FANCM: variants seen among roughly 807,000 people sequenced by gnomAD.
FANCM encodes FA complementation group M, also known as Fanconi anemia group M protein.
A neutral mutation model predicts 199.5 loss-of-function variants in FANCM; 140 were observed. That is an observed-to-expected ratio of 0.70 (90% CI 0.61 to 0.81). The LOEUF (loss-of-function observed/expected upper bound fraction) is 0.81. FANCM is among the 30% of genes least tolerant of loss of function. The pLI is 0.00. For missense variants in FANCM, 2,410 were observed against 2,421.4 expected, an observed-to-expected ratio of 1.00 and a Z score of 0.10; for synonymous variants, 840 against 836.8, an observed-to-expected ratio of 1.00 and a Z score of -0.07.
Position 45,136,470 on chromosome 14 carries a change from G to A in FANCM, c.439G>A (p.Val147Met). 1 of 1,614,142 alleles carries A rather than the reference G, an allele frequency of 6.2e-7. No individual in the cohort carries two copies. The highest frequency in any genetic ancestry group is 8.5e-7 in the Non-Finnish European group (1 of 1,180,032). The change falls in exon 1 of 23, where the codon GTG (valine) becomes ATG (methionine). Residue 147 changes from valine to methionine, a missense_variant. Physicochemically the swap from Val to Met is conservative, Grantham distance 21. Coordinates refer to ENST00000267430, the MANE Select transcript of FANCM (RefSeq NM_020937.4). ...CTTCATGGCCCCAACGAAACCCTTG[G>A]TGACACAGCAGATCGAGGCTTGCTA... ...VVFMAPTKPL[V>M]TQQIEACYQV... is the part of the protein sequence containing the mutation.
rs756588543 is a variant in FANCM, at chr14:45,185,366, T to C, written c.4665T>C (p.Ala1555=). ...ATGATGAAACTCAACTTTCACAGGC[T>C]ATAAATGGTAAATGTTATAATGATC... ...FLNDETQLSQ[A]INDSEMRAIY... The change falls in exon 18 of 23, where the codon GCT becomes GCC. Residue 1555 remains alanine (A), a synonymous_variant. Coordinates refer to ENST00000267430, the MANE Select transcript of FANCM (RefSeq NM_020937.4). 10 of 1,573,550 alleles carry C rather than the reference T, an allele frequency of 6.4e-6. No individual in the cohort carries two copies. Among genetic ancestry groups the C allele is most frequent in the Non-Finnish European group, 7.8e-6 (9 of 1,150,578 alleles).
chr14:45,155,598 A>C, intron 8 of FANCM, 139 bp downstream of exon 8: 1 of 536,568 alleles, frequency 1.9e-6, no homozygotes, highest in Non-Finnish European at 3.5e-6. Flanking sequence ...CAGGAGTTCA[A>C]GACCAGCCTG....
At chr14:45,165,071 A>G (rs1287220966) in intron 10 of FANCM, among the ~76,000 whole-genome samples, 1 of 152,214 alleles carries the variant, frequency 6.6e-6, no homozygotes, top group Non-Finnish European at 1.5e-5. Flanking sequence ...TTAAGTGATA[A>G]GGAACTTGAG....
chr14:45,173,067 A>G lies in FANCM; in HGVS notation c.2173A>G (p.Thr725Ala), dbSNP rs146325649. 6.9e-5 allele frequency: 111 copies of G among 1,608,250 alleles called. No individual in the cohort carries two copies. In the African/African-American group the frequency reaches 1.4e-3, roughly 20 times the overall value. The change falls in exon 13 of 23, where the codon ACC becomes GCC. Residue 725 changes from threonine (T) to alanine (A), a missense_variant. Thr to Ala is a moderately conservative substitution (Grantham distance 58). Coordinates refer to ENST00000267430, the MANE Select transcript of FANCM (RefSeq NM_020937.4). ...NEENKPAQES[T>A]TGIHQLSLSE... ...TTAAATAATTAAGGCTCAAGAATCA[A>G]CCACTGGAATTCATCAACTCTCTCT...
In FANCM at chr14:45,176,030, A is replaced by G. The variant is rs1042757360; in HGVS notation, c.3276A>G (p.Glu1092=). The change falls in exon 14 of 23, where the codon GAA becomes GAG. Residue 1092 remains glutamate, a synonymous_variant. Transcript: ENST00000267430. ...DCDVHKHNQN[E]NLVPNNRVQI... ...ATGTACATAAACATAATCAAAATGA[A>G]AATTTAGTACCTAACAATCGTGTTC... The G allele has an allele frequency of 4.3e-6, 7 of 1,613,816 alleles. No homozygotes were observed. In the Admixed American group the frequency reaches 8.3e-5, roughly 19 times the overall value.
At chr14:45,151,598 A>T (rs1189553402) in intron 5 of FANCM, 70 bp downstream of exon 5, 1 of 1,409,428 alleles carries the variant, frequency 7.1e-7, no homozygotes, top group Admixed American at 1.7e-5. Context: ...AACATAGGTA[A>T]TGATATTTTG....
chr14:45,143,500 C>T (rs1286307474), intron 3 of FANCM, among the ~76,000 whole-genome samples: 1 of 151,874 alleles, frequency 6.6e-6, no homozygotes, highest in Non-Finnish European at 1.5e-5. Context: ...TTTGATGCTT[C>T]TGTAACTTTC....
chr14:45,155,458 T>A lies in FANCM; in HGVS notation c.1395T>A (p.Asn465Lys). The change falls in exon 8 of 23, where the codon AAT becomes AAA. Residue 465 changes from asparagine to lysine, a missense_variant and splice_region_variant. By Grantham distance (94) the Asn-to-Lys change is moderately conservative. Coordinates refer to ENST00000267430, the MANE Select transcript of FANCM (RefSeq NM_020937.4). Reference sequence around the variant, plus strand: ...TAATTGAACACTTCAAGTCATGGAATGGTAGGTCATATTTAGTAGCTTTAA... The same window carrying A: ...TAATTGAACACTTCAAGTCATGGAAAGGTAGGTCATATTTAGTAGCTTTAA... ...EVVIEHFKSW[N>K]AENTTEKKRD... 1 of 1,439,866 alleles carries A rather than the reference T, an allele frequency of 6.9e-7. No individual in the cohort carries two copies. Among genetic ancestry groups the A allele is most frequent in the Non-Finnish European group, 9.8e-7 (1 of 1,022,854 alleles). The allele number at this position is 1,439,866 out of a possible 1,614,324, so 89.2% of individuals were successfully genotyped here.
At position 45,136,112 on chromosome 14, in the gene FANCM, C is replaced by T. The variant is rs1388168603; in HGVS notation, c.81C>T (p.Ser27=). 5 of 1,614,112 alleles carry T rather than the reference C, an allele frequency of 3.1e-6. No homozygotes were observed. Among genetic ancestry groups the T allele is most frequent in the Non-Finnish European group, 3.4e-6 (4 of 1,180,022 alleles). Residue 27 remains serine, a synonymous_variant, in exon 1 of 23, where the codon TCC becomes TCT. Coordinates refer to ENST00000267430, the MANE Select transcript of FANCM (RefSeq NM_020937.4). ...CATCTGGGACTCCGGGTTGCAGCTC[C>T]GGAACTGAGCGACCTCAGAGCCCTG... ...SRSSGTPGCS[S]GTERPQSPGS... is the part of the protein sequence containing the mutation.
chr14:45,187,086 A>G (rs1007216745), intron 18 of FANCM, among the ~76,000 whole-genome samples: 5 of 152,212 alleles, frequency 3.3e-5, no homozygotes, highest in African/African-American at 1.2e-4. Context: ...TTGAGCAACA[A>G]GAAGGACATA....
chr14:45,181,844 T>A, intron 16 of FANCM, 139 bp downstream of exon 16: 1 of 641,944 alleles, frequency 1.6e-6, no homozygotes, highest in Non-Finnish European at 2.7e-6. Context: ...TGATTGGAAT[T>A]TCTAGCTTCT....
chr14:45,173,864 C>T (rs757447764), intron 13 of FANCM, among the ~76,000 whole-genome samples: 1 of 152,100 alleles, frequency 6.6e-6, no homozygotes, highest in Non-Finnish European at 1.5e-5. Flanking sequence ...TTATTATTAG[C>T]CTTTGATCAT....
Position 45,167,053 on chromosome 14 carries a change from A to T in FANCM, c.1892A>T (p.Asp631Val). ...CAAAGAAGTCCACGAATGGTTCCTG[A>T]TGGAATCAACCCAAAATTACACAAA... ...FYQRSPRMVPDGINPKLHKMF... is the reference protein window; with the variant it reads ...FYQRSPRMVPVGINPKLHKMF... Residue 631 changes from aspartate (D) to valine (V), a missense_variant, in exon 11 of 23, where the codon GAT becomes GTT. Coordinates refer to ENST00000267430, the MANE Select transcript of FANCM (RefSeq NM_020937.4). 1.2e-6 allele frequency: 2 copies of T among 1,612,730 alleles called. No homozygotes were observed. Among genetic ancestry groups the T allele is most frequent in the Non-Finnish European group, 1.7e-6 (2 of 1,178,726 alleles).
In FANCM at chr14:45,148,951, C is replaced by T. The variant is rs142747831; in HGVS notation, c.874C>T (p.Pro292Ser). 18 of 1,613,794 alleles carry T rather than the reference C, an allele frequency of 1.1e-5. No individual in the cohort carries two copies. Among genetic ancestry groups the T allele is most frequent in the Non-Finnish European group, 1.5e-5 (18 of 1,179,816 alleles). Residue 292 changes from proline (P) to serine (S), a missense_variant, in exon 4 of 23, where the codon CCG becomes TCG. Physicochemically the swap from Pro to Ser is moderately conservative, Grantham distance 74 (BLOSUM62 -1). Transcript: ENST00000267430. ...HERKVEKLIV[P>S]LGEELAAIQK... The stretch of plus-strand genomic sequence containing the variant: ...AAGAAAAGTTGAAAAGCTTATTGTT[C>T]CGCTTGGTGAAGAACTTGCAGCCAT...
chr14:45,141,181 A>G (rs1269717383), intron 3 of FANCM, among the ~76,000 whole-genome samples: 3 of 150,818 alleles, frequency 2.0e-5, no homozygotes, highest in Non-Finnish European at 3.0e-5. Context: ...CCAGCTACTC[A>G]GGAGGCTGAG....
At chr14:45,167,382 A>G (rs578070379) in intron 11 of FANCM, 9 of 527,816 alleles carry the variant, frequency 1.7e-5, no homozygotes, top group African/African-American at 3.8e-5. Context: ...GGAAAATTAA[A>G]CATACCCTAC....
At chr14:45,169,605 T>A (rs1485248198) in intron 11 of FANCM, among the ~76,000 whole-genome samples, 1 of 151,918 alleles carries the variant, frequency 6.6e-6, no homozygotes, top group East Asian at 1.9e-4. Context: ...CAAGCTGTGT[T>A]GCCTAGGCTG....
intron 11 of FANCM, among the ~76,000 whole-genome samples, chr14:45,170,170 G>T (rs192258566): frequency 2.5e-3 from 385 of 152,310 alleles, no homozygotes; most frequent in African/African-American, 8.7e-3. Flanking sequence ...ATTACCAAAG[G>T]ATAGCTCCTA....
chr14:45,156,171 T>A (rs1887175671), intron 8 of FANCM, among the ~76,000 whole-genome samples: 1 of 152,012 alleles, frequency 6.6e-6, no homozygotes, highest in African/African-American at 2.4e-5. Context: ...CTTGTGAGTT[T>A]TGGAGGCTGG....
Sources: allele counts gnomAD v4.1 joint callset (sites outside exome capture counted in the v4.1 genomes callset), GRCh38; gene constraint gnomAD v4.1.1; transcripts MANE v1.5; gene names NCBI Gene and HGNC (gene_info 2026-07-23, HGNC 2026-07-21).